Variants in SPAG16 observed in about 807,000 individuals in gnomAD.
The protein encoded by SPAG16 is sperm associated antigen 16.
Under a neutral mutation model 80.4 loss-of-function variants are expected in SPAG16, and 86 were observed. That is an observed-to-expected ratio of 1.07 (90% confidence interval 0.90 to 1.28). The LOEUF (loss-of-function observed/expected upper bound fraction) is 1.28. SPAG16 is among the 50% of genes most tolerant of loss of function. The pLI, the probability that SPAG16 is intolerant of heterozygous loss-of-function variation, is 0.00. For missense variants in SPAG16, 870 were observed against 765.3 expected (o/e 1.14, Z -1.61); for synonymous variants, 294 against 265.9 (o/e 1.11, Z -1.03).
At chr2:213,631,254 C>G (rs924481399) in intron 10 of SPAG16, among the ~76,000 whole-genome samples, 1 of 152,046 alleles carries the variant, frequency 6.6e-6, no homozygotes, top group Middle Eastern at 3.4e-3. Flanking sequence ...CATTTCAAAA[C>G]AAACAAACAA....
At chr2:214,255,843 G>A (rs535029361) in intron 15 of SPAG16, among the ~76,000 whole-genome samples, 14 of 151,820 alleles carry the variant, frequency 9.2e-5, no homozygotes, top group Admixed American at 2.0e-4. Context: ...GAATATATTG[G>A]TTTGTTTACG....
chr2:214,047,440 G>T (rs2049390671), intron 13 of SPAG16, among the ~76,000 whole-genome samples: 1 of 151,988 alleles, frequency 6.6e-6, no homozygotes, highest in Non-Finnish European at 1.5e-5. Context: ...CACACACCTG[G>T]GGGAAAAATA....
In SPAG16 at chr2:214,240,754, A is replaced by T. The variant is rs564572288; in HGVS notation, c.1720+91488A>T. On this transcript the variant is annotated intron_variant, in intron 15 of 15. Transcript: ENST00000331683. ...GCAAATCAGTCATCATAAAAAATATAAAGATCTAGAATTTATAGAAATTCT... is the reference window on the plus strand; with the variant it reads ...GCAAATCAGTCATCATAAAAAATATTAAGATCTAGAATTTATAGAAATTCT... The T allele has an allele frequency of 2.0e-5, 3 of 152,348 alleles. No homozygotes were observed. The East Asian group carries it at 5.8e-4, about 29-fold the overall frequency. 9.4% of individuals were successfully genotyped at this position (152,348 alleles called of 1,614,324 possible).
chr2:213,724,649 G>C (rs1254767156), intron 10 of SPAG16, among the ~76,000 whole-genome samples: 1 of 151,224 alleles, frequency 6.6e-6, no homozygotes, highest in African/African-American at 2.4e-5. Flanking sequence ...GTGGTGGCGA[G>C]TGCCTGTAGT....
chr2:213,776,529 G>A (rs1021281555), intron 10 of SPAG16, among the ~76,000 whole-genome samples: 2 of 152,086 alleles, frequency 1.3e-5, no homozygotes, highest in Admixed American at 6.6e-5. Context: ...CCAAGTTTGC[G>A]GTAATTTGCT....
chr2:213,874,190 A>G (rs1451244123), intron 11 of SPAG16, among the ~76,000 whole-genome samples: 2 of 152,136 alleles, frequency 1.3e-5, no homozygotes, highest in African/African-American at 2.4e-5. Flanking sequence ...ACATTACTCT[A>G]CACTACTGTA....
At position 213,375,001 on chromosome 2, in the gene SPAG16, A is replaced by G. The variant is rs1402452814; in HGVS notation, c.833-9A>G. ...GCAAATATTAAGAATAAATTATATT[A>G]TCTTGTAGTTGATCATAGTCGTGAA... is the stretch of plus-strand genomic sequence containing the variant. On this transcript the variant is annotated splice_polypyrimidine_tract_variant and intron_variant, in intron 8 of 15. Transcript: ENST00000331683. 1 of 1,568,484 alleles carries G rather than the reference A, an allele frequency of 6.4e-7. No homozygotes were observed. Among genetic ancestry groups the G allele is most frequent in the African/African-American group, 1.4e-5 (1 of 73,020 alleles).
rs114021450 is a variant in SPAG16, at chr2:213,317,875, A to C, written c.536+519A>C. 1,360 of 286,888 alleles carry C rather than the reference A, an allele frequency of 4.7e-3. 29 individuals are homozygous for C. Among genetic ancestry groups the C allele is most frequent in the African/African-American group, 0.03 (1,306 of 44,068 alleles). 17.8% of individuals were successfully genotyped at this position (286,888 alleles called of 1,614,324 possible). A position where few individuals can be genotyped will look rare whatever the true frequency, so the allele number is the denominator to read the frequency against. ...CTATTGATAATGGGGAAGGCTGTGC[A>C]TGTGTGGGAGTAGGAGGTGTATGGG... On this transcript the variant is annotated intron_variant, in intron 5 of 15. Transcript: ENST00000331683.
At chr2:214,360,706 A>C (rs1030269261) in intron 15 of SPAG16, among the ~76,000 whole-genome samples, 1 of 151,962 alleles carries the variant, frequency 6.6e-6, no homozygotes, top group South Asian at 2.1e-4. Context: ...GGAAGTTTAA[A>C]CTTTCCCTCT....
intron 14 of SPAG16, among the ~76,000 whole-genome samples, chr2:214,117,399 C>T (rs1039482555): frequency 1.3e-5 from 2 of 152,154 alleles, no homozygotes; most frequent in Non-Finnish European, 2.9e-5. Context: ...GTAGGCTTCA[C>T]TGCTGAATTC....
intron 9 of SPAG16, among the ~76,000 whole-genome samples, chr2:213,408,975 A>G (rs1445273966): frequency 6.6e-6 from 1 of 152,160 alleles, no homozygotes; most frequent in Non-Finnish European, 1.5e-5. Flanking sequence ...GTGGCCTTAG[A>G]CAGTCTAGTC....
intron 9 of SPAG16, among the ~76,000 whole-genome samples, chr2:213,450,830 T>C (rs2071640052): frequency 1.3e-5 from 2 of 152,170 alleles, no homozygotes; most frequent in Non-Finnish European, 2.9e-5. Context: ...TCCATACATA[T>C]AATTTTTTTC....
At chr2:213,532,602 C>T (rs564393848) in intron 10 of SPAG16, among the ~76,000 whole-genome samples, 21 of 152,040 alleles carry the variant, frequency 1.4e-4, no homozygotes, top group South Asian at 1.0e-3. Context: ...GCTGGGACTA[C>T]GGCTACACAT....
chr2:213,920,611 G>A lies in SPAG16; in HGVS notation c.1215-9349G>A, dbSNP rs188259642. Among the ~76,000 whole-genome samples the A allele has an allele frequency of 3.3e-5, 5 of 152,280 alleles. No homozygotes were observed. The East Asian group carries it at 9.7e-4, about 29-fold the overall frequency. On this transcript the variant is annotated intron_variant, in intron 11 of 15. Coordinates refer to ENST00000331683, the MANE Select transcript of SPAG16 (RefSeq NM_024532.5). Reference sequence around the variant, plus strand: ...CACCACTGCAGGAGCTATTATGTGGGCTCCCAGAGCACCTGCTTGTTCTAC... The same window carrying A: ...CACCACTGCAGGAGCTATTATGTGGACTCCCAGAGCACCTGCTTGTTCTAC...
At chr2:214,143,731 G>T (rs1381100639) in intron 14 of SPAG16, among the ~76,000 whole-genome samples, 1 of 152,088 alleles carries the variant, frequency 6.6e-6, no homozygotes, top group African/African-American at 2.4e-5. Flanking sequence ...CAGGAACTGT[G>T]CTGGGTGCTA....
rs570451030 is a variant in SPAG16 at position 214,243,656 on chromosome 2, G to A, written c.1720+94390G>A. On this transcript the variant is annotated intron_variant, in intron 15 of 15. Transcript: ENST00000331683. ...TATCACTTCTTGTTTGGGAATTTAT[G>A]TTTATATTTAAATGTCAATAATTAT... is the stretch of plus-strand genomic sequence containing the variant. 7.2e-5 allele frequency among the ~76,000 whole-genome samples: 11 copies of A among 152,126 alleles called. 1 individual carries two copies. The highest frequency in any genetic ancestry group is 2.6e-4 in the African/African-American group (11 of 41,532).
intron 10 of SPAG16, among the ~76,000 whole-genome samples, chr2:213,508,847 A>G (rs897290423): frequency 2.6e-5 from 4 of 152,236 alleles, no homozygotes; most frequent in South Asian, 2.1e-4. Context: ...CAGCGCACCA[A>G]CATGGCACAT....
chr2:213,859,748 G>C (rs2075339803), intron 10 of SPAG16, among the ~76,000 whole-genome samples: 1 of 152,120 alleles, frequency 6.6e-6, no homozygotes, highest in Non-Finnish European at 1.5e-5. Context: ...TACTAACTCT[G>C]TTTACAATGG....
intron 10 of SPAG16, among the ~76,000 whole-genome samples, chr2:213,720,999 A>G (rs2125394471): frequency 6.6e-6 from 1 of 152,150 alleles, no homozygotes; most frequent in East Asian, 1.9e-4. Flanking sequence ...TGATCCGCCC[A>G]CCTCAGCCTC....
Sources: allele counts gnomAD v4.1 joint callset (sites outside exome capture counted in the v4.1 genomes callset), GRCh38; gene constraint gnomAD v4.1.1; transcripts MANE v1.5; gene names NCBI Gene and HGNC (gene_info 2026-07-23, HGNC 2026-07-21).